The following CSF2RA variants were observed in gnomAD, a reference collection of about 807,000 sequenced individuals.
The protein encoded by CSF2RA is granulocyte-macrophage colony-stimulating factor receptor subunit alpha.
In CSF2RA, 42 loss-of-function variants were observed where a neutral mutation model predicts 51.6. The observed-to-expected ratio is 0.81, with a 90% confidence interval of 0.64 to 1.05. The LOEUF (loss-of-function observed/expected upper bound fraction) is 1.05. Ranked by LOEUF, CSF2RA falls within the 50% of genes least tolerant of loss-of-function variation. CSF2RA has a pLI of 0.00. For synonymous variants in CSF2RA, 222 were observed against 193.0 expected, an observed-to-expected ratio of 1.15 and a Z score of -1.24; for missense variants, 530 against 501.1, an observed-to-expected ratio of 1.06 and a Z score of -0.55.
the CSF2RA span, among the ~76,000 whole-genome samples, chrX:1,319,815 A>G: frequency 4.0e-5 from 6 of 148,572 alleles, no homozygotes. Flanking sequence ...CCCAGGTTCA[A>G]GCGATTCTCC....
intron 3 of CSF2RA, among the ~76,000 whole-genome samples, chrX:1,284,736 C>T (rs1461609451): frequency 1.4e-5 from 2 of 143,182 alleles, no homozygotes; most frequent in East Asian, 4.1e-4. Flanking sequence ...GCGATCTCGG[C>T]TCATTGCAAC....
intron 2 of CSF2RA, among the ~76,000 whole-genome samples, chrX:1,281,130 C>T (rs1317965186): frequency 1.7e-5 from 2 of 116,878 alleles, no homozygotes; most frequent in Admixed American, 8.7e-5. Flanking sequence ...TCCTCCTCCT[C>T]CTGCTCCTCC....
chrX:1,301,222 T>G (rs1200023016), intron 10 of CSF2RA, among the ~76,000 whole-genome samples: 1 of 140,018 alleles, frequency 7.1e-6, no homozygotes, highest in Admixed American at 7.5e-5. Flanking sequence ...TCCCAGCTAC[T>G]CAGGAGGCTG....
In CSF2RA at chrX:1,288,559, G is replaced by C. The variant is rs1569501167; in HGVS notation, c.260G>C (p.Cys87Ser). Residue 87 changes from cysteine (C) to serine (S), a missense_variant, in exon 5 of 13, where the codon TGT becomes TCT. Transcript: ENST00000381529. ...NECSCTFREI[C>S]LHEGVTFEVH... Reference sequence around the variant, plus strand: ...TGTTCGTGCACATTTCGTGAAATTTGTCTGCATGAAGGAGTCACATTTGAG... The same window carrying C: ...TGTTCGTGCACATTTCGTGAAATTTCTCTGCATGAAGGAGTCACATTTGAG... 6.2e-7 allele frequency: 1 copy of C among 1,613,914 alleles called. No individual in the cohort carries two copies. Among genetic ancestry groups the C allele is most frequent in the East Asian group, 2.2e-5 (1 of 44,882 alleles).
intron 10 of CSF2RA, 93 bp from the exon 11 acceptor site, chrX:1,303,830 G>A (rs1398615280): frequency 9.2e-7 from 1 of 1,085,026 alleles, no homozygotes; most frequent in African/African-American, 1.5e-5. Flanking sequence ...TGTTCCCTTT[G>A]GCTAAATGCA....
downstream of CSF2RA, chrX:1,310,303 G>C (rs1185161952): frequency 6.6e-6 from 1 of 151,422 alleles, no homozygotes; most frequent in East Asian, 2.0e-4. Flanking sequence ...TAACTAACCT[G>C]GTGAGCTGAG....
At position 1,282,747 on chromosome X, in the gene CSF2RA, A is replaced by T; in HGVS notation, c.44A>T (p.His15Leu). 1 of 1,613,834 alleles carries T rather than the reference A, an allele frequency of 6.2e-7. No individual in the cohort carries two copies. Among genetic ancestry groups the T allele is most frequent in the East Asian group, 2.2e-5 (1 of 44,870 alleles). Residue 15 changes from histidine to leucine, a missense_variant, in exon 3 of 13, where the codon CAC (histidine) becomes CTC (leucine). By Grantham distance (99) the His-to-Leu change is moderately conservative. Transcript: ENST00000381529. ...VTSLLLCELP[H>L]PAFLLIPEKS... ...AGCCTTCTGCTCTGTGAGTTACCAC[A>T]CCCAGCATTCCTCCTGATCCCAGAG...
chrX:1,299,993 G>A (rs539980101), intron 9 of CSF2RA, among the ~76,000 whole-genome samples: 8 of 151,862 alleles, frequency 5.3e-5, no homozygotes, highest in Non-Finnish European at 1.0e-4. Context: ...CGAGGCGGTC[G>A]GATCACGAGG....
At chrX:1,286,012 C>G (rs2090605861) in intron 4 of CSF2RA, 92 bp downstream of exon 4, 1 of 1,516,842 alleles carries the variant, frequency 6.6e-7, no homozygotes, top group Admixed American at 1.7e-5. Flanking sequence ...GCGGCTCACG[C>G]CTGTCATCCC....
At chrX:1,289,075 C>T (rs546044238) in intron 6 of CSF2RA, 187 bp downstream of exon 6, 6 of 701,712 alleles carry the variant, frequency 8.6e-6, no homozygotes, top group African/African-American at 7.1e-5. Context: ...AATTTTCCTG[C>T]CTCAGCTTCC....
intron 12 of CSF2RA, among the ~76,000 whole-genome samples, chrX:1,307,955 C>T (rs1334979289): frequency 2.6e-5 from 4 of 151,588 alleles, no homozygotes; most frequent in African/African-American, 9.7e-5. Flanking sequence ...CACCCTTCCC[C>T]CCTTCCCCTT....
intron 9 of CSF2RA, chrX:1,295,725 C>T: frequency 2.3e-6 from 1 of 436,200 alleles, no homozygotes; most frequent in Non-Finnish European, 4.2e-6. Context: ...GAGGAGGAGA[C>T]CCTGCCCCAC....
chrX:1,306,279 A>C (rs2083558695), intron 12 of CSF2RA, among the ~76,000 whole-genome samples: 1 of 151,838 alleles, frequency 6.6e-6, no homozygotes, highest in South Asian at 2.1e-4. Context: ...AGAGGGAGGG[A>C]GAAAAGGGAG....
downstream of CSF2RA, among the ~76,000 whole-genome samples, chrX:1,312,822 G>C (rs149899024): frequency 1.3e-5 from 2 of 151,980 alleles, no homozygotes; most frequent in Admixed American, 6.6e-5. Context: ...AGAGTTTCAG[G>C]GGAGATTTGA....
At chrX:1,270,012 G>T (rs1333028619) in intron 1 of CSF2RA, among the ~76,000 whole-genome samples, 114 of 151,982 alleles carry the variant, frequency 7.5e-4, no homozygotes, top group African/African-American at 2.6e-3. Flanking sequence ...GGGAGGCTGA[G>T]GCAGGAGAAT....
At chrX:1,322,818 A>G in the CSF2RA span, among the ~76,000 whole-genome samples, 3 of 152,084 alleles carry the variant, frequency 2.0e-5, no homozygotes, top group Non-Finnish European at 4.4e-5. Context: ...AGGTCTTTGC[A>G]GATGTGATGA....
intron 3 of CSF2RA, among the ~76,000 whole-genome samples, chrX:1,283,013 C>T (rs1386400544): frequency 1.3e-5 from 2 of 152,118 alleles, no homozygotes; most frequent in African/African-American, 4.8e-5. Context: ...GGCTCAGATA[C>T]CTCCACAGTT....
intron 8 of CSF2RA, 87 bp downstream of exon 8, chrX:1,294,548 G>A (rs2091733036): frequency 6.4e-7 from 1 of 1,574,468 alleles, no homozygotes; most frequent in Non-Finnish European, 8.7e-7. Context: ...CGGGGAAGTG[G>A]CCTGGGGGAA....
intron 6 of CSF2RA, among the ~76,000 whole-genome samples, chrX:1,289,852 TTG>T (rs1479033443): frequency 2.0e-5 from 3 of 150,464 alleles, no homozygotes; most frequent in African/African-American, 4.9e-5. Context: ...TTTTGTGTTT[TTG>T]TGTTTTTGTT....
Sources: allele counts gnomAD v4.1 joint callset (sites outside exome capture counted in the v4.1 genomes callset), GRCh38; gene constraint gnomAD v4.1.1; transcripts MANE v1.5; gene names NCBI Gene and HGNC (gene_info 2026-07-23, HGNC 2026-07-21).